TMEM132D: variants seen among roughly 807,000 people sequenced by gnomAD.
TMEM132D encodes the protein mature OL transmembrane protein.
In TMEM132D, 21 loss-of-function variants were observed where a neutral mutation model predicts 62.3. That is an observed-to-expected ratio of 0.34 (90% CI 0.24 to 0.49). TMEM132D has a LOEUF of 0.49. TMEM132D is among the 20% of genes least tolerant of loss of function. TMEM132D has a pLI of 0.99. For missense variants in TMEM132D, 1,346 were observed against 1,402.8 expected (o/e 0.96, Z 0.65); for synonymous variants, 621 against 575.6 (o/e 1.08, Z -1.13).
At position 129,137,641 on chromosome 12, in the gene TMEM132D, T is replaced by A. The variant is rs142819277; in HGVS notation, c.1444-52939A>T. Among the ~76,000 whole-genome samples the A allele has an allele frequency of 5.2e-3, 796 of 152,322 alleles. 6 individuals carry two copies. The highest frequency in any genetic ancestry group is 0.018 in the African/African-American group (764 of 41,562). ...CTAGACAGTAGGAAATGGCTTATCATCCATTTCCTGGGAATGTTTAGCTTT... is the reference window on the plus strand; with the variant it reads ...CTAGACAGTAGGAAATGGCTTATCAACCATTTCCTGGGAATGTTTAGCTTT... On this transcript the variant is annotated intron_variant, in intron 5 of 8. Transcript: ENST00000422113.
intron 2 of TMEM132D, among the ~76,000 whole-genome samples, chr12:129,675,888 G>C (rs895804247): frequency 2.0e-5 from 3 of 152,202 alleles, no homozygotes; most frequent in Admixed American, 2.0e-4. Context: ...TAGAGTCTGA[G>C]ATCCATGACC....
intron 2 of TMEM132D, among the ~76,000 whole-genome samples, chr12:129,616,822 G>A (rs529606324): frequency 1.3e-5 from 2 of 152,292 alleles, no homozygotes; most frequent in Admixed American, 6.5e-5. Context: ...GCGTGAGAAT[G>A]GACTAACACA....
chr12:129,581,569 C>T (rs1270510874), intron 2 of TMEM132D, among the ~76,000 whole-genome samples: 1 of 151,928 alleles, frequency 6.6e-6, no homozygotes, highest in Non-Finnish European at 1.5e-5. Context: ...AGCTGAAGAA[C>T]ATGCAGCCTG....
At chr12:129,188,759 G>A (rs1166177295) in intron 5 of TMEM132D, among the ~76,000 whole-genome samples, 1 of 58,198 alleles carries the variant, frequency 1.7e-5, no homozygotes, top group Non-Finnish European at 3.9e-5. Context: ...GGGAGGGAGA[G>A]AGGGAGAGAG....
At chr12:129,750,242 C>T (rs367564749) in intron 1 of TMEM132D, among the ~76,000 whole-genome samples, 15 of 152,176 alleles carry the variant, frequency 9.9e-5, no homozygotes, top group African/African-American at 2.4e-4. Flanking sequence ...CCCGCCACCA[C>T]GCCTGGCTAA....
intron 2 of TMEM132D, among the ~76,000 whole-genome samples, chr12:129,562,772 G>A (rs1877270436): frequency 6.6e-6 from 1 of 152,152 alleles, no homozygotes; most frequent in Non-Finnish European, 1.5e-5. Flanking sequence ...CCTTGCTCAT[G>A]CTATTCCTGG....
At chr12:129,833,123 C>T (rs1263643143) in intron 1 of TMEM132D, among the ~76,000 whole-genome samples, 1 of 152,240 alleles carries the variant, frequency 6.6e-6, no homozygotes, top group Non-Finnish European at 1.5e-5. Context: ...GTGCTCCACA[C>T]ACAACTCTAC....
At chr12:129,824,211 T>C (rs771798646) in intron 1 of TMEM132D, among the ~76,000 whole-genome samples, 1 of 152,238 alleles carries the variant, frequency 6.6e-6, no homozygotes, top group Non-Finnish European at 1.5e-5. Flanking sequence ...TGAAGCAGTT[T>C]TAATCTTCTT....
At chr12:129,451,896 T>A (rs1305090487) in intron 3 of TMEM132D, among the ~76,000 whole-genome samples, 2 of 152,150 alleles carry the variant, frequency 1.3e-5, no homozygotes, top group Non-Finnish European at 2.9e-5. Context: ...ACCTGGAAGT[T>A]GTTTTACCTG....
chr12:129,898,795 T>A (rs1188760926), intron 1 of TMEM132D, among the ~76,000 whole-genome samples: 1 of 152,240 alleles, frequency 6.6e-6, no homozygotes, highest in Non-Finnish European at 1.5e-5. Flanking sequence ...CTCACTACGG[T>A]ACTCCCTGTG....
chr12:129,191,272 G>A (rs996049955), intron 5 of TMEM132D, among the ~76,000 whole-genome samples: 2 of 141,166 alleles, frequency 1.4e-5, no homozygotes, highest in Admixed American at 1.5e-4. Context: ...TTGCCGAAAA[G>A]ACACAGAGAA....
intron 5 of TMEM132D, among the ~76,000 whole-genome samples, chr12:129,159,135 T>G (rs1038683076): frequency 3.3e-5 from 5 of 152,314 alleles, no homozygotes; most frequent in Middle Eastern, 3.4e-3. Flanking sequence ...TAGCTGAGAC[T>G]TCAAGTAGAT....
chr12:129,160,621 C>T (rs1442992240), intron 5 of TMEM132D, among the ~76,000 whole-genome samples: 1 of 152,088 alleles, frequency 6.6e-6, no homozygotes, highest in Non-Finnish European at 1.5e-5. Flanking sequence ...TCTATGTAGC[C>T]CTTGACTTTT....
At chr12:129,402,170 G>A (rs111708460) in intron 3 of TMEM132D, among the ~76,000 whole-genome samples, 5,327 of 152,278 alleles carry the variant, frequency 0.035, 159 homozygotes, top group African/African-American at 0.082. Context: ...ACTTGATGTT[G>A]CTGCATGGCT....
chr12:129,780,429 C>T (rs1258066779), intron 1 of TMEM132D, among the ~76,000 whole-genome samples: 2 of 151,998 alleles, frequency 1.3e-5, no homozygotes, highest in African/African-American at 4.8e-5. Context: ...ATAGAAATCT[C>T]GACATCTACC....
intron 5 of TMEM132D, among the ~76,000 whole-genome samples, chr12:129,159,839 A>T (rs1877350925): frequency 6.6e-6 from 1 of 151,798 alleles, no homozygotes; most frequent in South Asian, 2.1e-4. Context: ...TGGTTCTAAG[A>T]CAGGAGGGAG....
rs149944458 is a variant in TMEM132D at position 129,404,168 on chromosome 12, G to A, written c.1116-66351C>T. Among the ~76,000 whole-genome samples, 154 of 152,036 alleles carry A rather than the reference G, an allele frequency of 1.0e-3. 2 individuals carry two copies. Among genetic ancestry groups the A allele is most frequent in the Admixed American group, 5.2e-3 (80 of 15,268 alleles). ...GAAGGGTATTAGGCCATTTTGCATC[G>A]TTGTAAATACCTGAGACTGGGTTAT... is the stretch of plus-strand genomic sequence containing the variant. On this transcript the variant is annotated intron_variant, in intron 3 of 8. Coordinates refer to ENST00000422113, the MANE Select transcript of TMEM132D (RefSeq NM_133448.3).
chr12:129,417,683 A>G (rs916038862), intron 3 of TMEM132D, among the ~76,000 whole-genome samples: 2 of 152,226 alleles, frequency 1.3e-5, no homozygotes, highest in Admixed American at 1.3e-4. Context: ...ATGGCAAAAA[A>G]GTGCCAAAAT....
intron 5 of TMEM132D, among the ~76,000 whole-genome samples, chr12:129,206,934 C>A (rs1300879775): frequency 1.3e-5 from 2 of 152,108 alleles, no homozygotes; most frequent in East Asian, 3.9e-4. Flanking sequence ...ATAACACACA[C>A]TGGGGTCTAT....
Sources: gnomAD v4.1 joint callset for allele counts (sites outside exome capture counted in the v4.1 genomes callset) on GRCh38, gnomAD v4.1.1 for gene constraint, MANE v1.5 for transcripts, NCBI Gene and HGNC (gene_info 2026-07-23, HGNC 2026-07-21) for gene names.